Variants in NUP98 observed in about 807,000 individuals in gnomAD.
The protein encoded by NUP98 is nucleoporin 98 and 96 precursor.
NUP98 carries 26 observed loss-of-function variants against 191.9 expected under a neutral mutation model. The observed-to-expected ratio is 0.14, with a 90% CI of 0.10 to 0.19. NUP98 has a LOEUF of 0.19. Among genes scored for constraint, NUP98 ranks in the 10% least tolerant of loss-of-function variants. The pLI is 1.00. For synonymous variants in NUP98, 808 were observed against 778.4 expected (o/e 1.04, Z -0.63); for missense variants, 1,941 against 2,178.8 (o/e 0.89, Z 2.17).
chr11:3,769,216 G>A (rs2081436739), intron 7 of NUP98, among the ~76,000 whole-genome samples: 1 of 152,142 alleles, frequency 6.6e-6, no homozygotes, highest in Non-Finnish European at 1.5e-5. Context: ...CTTGAGGACA[G>A]GAGTTCCTGA....
chr11:3,713,328 A>G (rs976130281), intron 19 of NUP98, among the ~76,000 whole-genome samples: 1 of 152,252 alleles, frequency 6.6e-6, no homozygotes, highest in Non-Finnish European at 1.5e-5. Context: ...ACGAGCCCAC[A>G]GTTTGTAAGA....
At chr11:3,686,295 G>T in intron 28 of NUP98, 101 bp from the exon 29 acceptor site, 2 of 1,009,412 alleles carry the variant, frequency 2.0e-6, no homozygotes, top group African/African-American at 1.6e-5. Flanking sequence ...AAGAACCTGA[G>T]AGTGAAAGCA....
chr11:3,699,248 T>G lies in NUP98; in HGVS notation c.3843A>C (p.Gln1281His). 1 of 1,614,168 alleles carries G rather than the reference T, an allele frequency of 6.2e-7. No individual in the cohort carries two copies. Among genetic ancestry groups the G allele is most frequent in the Non-Finnish European group, 8.5e-7 (1 of 1,180,032 alleles). ...AGAAAGCTCTTCTTCGCTCCAGAAT[T>G]TGAATGTATTCACGGGGTTCATTTA... ...SQLNEPREYI[Q>H]ILERRRAFSR... Residue 1281 changes from glutamine (Q) to histidine (H), a missense_variant, in exon 25 of 33, where the codon CAA becomes CAC. By Grantham distance (24) the Gln-to-His change is conservative. This residue lies in a region of NUP98 where 1,030 missense variants were observed against 1,115.8 expected (regional missense o/e 0.92). Transcript: ENST00000324932.
Position 3,731,371 on chromosome 11 carries a change from G to C in NUP98, c.1730+20C>G, listed in dbSNP as rs1286864901. On this transcript the variant is annotated intron_variant, in intron 14 of 32. Coordinates refer to ENST00000324932, the MANE Select transcript of NUP98 (RefSeq NM_016320.5). ...TATCAGTATTTTACACTTAATTTCT[G>C]TTAACAAAAATAAACTCACTTGGGC... 1 of 1,480,268 alleles carries C rather than the reference G, an allele frequency of 6.8e-7. No homozygotes were observed. Among genetic ancestry groups the C allele is most frequent in the Non-Finnish European group, 9.0e-7 (1 of 1,106,258 alleles). The allele number at this position is 1,480,268 out of a possible 1,614,324, so 91.7% of individuals were successfully genotyped here.
chr11:3,771,670 T>C (rs2081537093), intron 7 of NUP98, 78 bp downstream of exon 7: 2 of 1,293,054 alleles, frequency 1.5e-6, no homozygotes, highest in African/African-American at 1.5e-5. Flanking sequence ...ATAGCACTTA[T>C]CCCAAAATGG....
chr11:3,707,854 A>C (rs2078910057), intron 20 of NUP98, among the ~76,000 whole-genome samples: 1 of 151,978 alleles, frequency 6.6e-6, no homozygotes, highest in Non-Finnish European at 1.5e-5. Flanking sequence ...TAATCCCAGC[A>C]CTTTGGGAGA....
chr11:3,786,415 C>G (rs1218614962), intron 1 of NUP98, among the ~76,000 whole-genome samples: 2 of 152,100 alleles, frequency 1.3e-5, no homozygotes, highest in Non-Finnish European at 2.9e-5. Context: ...CAAAGATTAA[C>G]CTTTCTCCTT....
chr11:3,754,341 A>T (rs1032334230), intron 10 of NUP98, among the ~76,000 whole-genome samples: 3 of 152,014 alleles, frequency 2.0e-5, no homozygotes, highest in Admixed American at 6.5e-5. Flanking sequence ...CAGGAGTATC[A>T]CTTGAACCCG....
At chr11:3,693,466 A>T (rs2078387282) in intron 26 of NUP98, 91 bp from the exon 27 acceptor site, 1 of 1,267,044 alleles carries the variant, frequency 7.9e-7, no homozygotes, top group African/African-American at 1.5e-5. Flanking sequence ...CACTTATTCA[A>T]GGAACATTTT....
At chr11:3,750,094 A>G (rs961169965) in intron 11 of NUP98, among the ~76,000 whole-genome samples, 1 of 152,218 alleles carries the variant, frequency 6.6e-6, no homozygotes, top group Non-Finnish European at 1.5e-5. Flanking sequence ...ATAATGGTAT[A>G]TGTATGATGT....
chr11:3,731,468 T>C lies in NUP98; in HGVS notation c.1653A>G (p.Thr551=). 1 of 1,608,578 alleles carries C rather than the reference T, an allele frequency of 6.2e-7. No individual in the cohort carries two copies. The highest frequency in any genetic ancestry group is 1.7e-5 in the Admixed American group (1 of 59,348). The part of the protein sequence containing the change: ...TRVRPKALQT[T]GTAKSHLFDG... Reference sequence around the variant, plus strand: ...CAAAGAGATGTGACTTGGCTGTGCCTGTTGTTTGTAAAGCCTTTGGCCGGA... The same window carrying C: ...CAAAGAGATGTGACTTGGCTGTGCCCGTTGTTTGTAAAGCCTTTGGCCGGA... The change falls in exon 14 of 33, where the codon ACA becomes ACG. Residue 551 remains threonine (T), a synonymous_variant. Coordinates refer to ENST00000324932, the MANE Select transcript of NUP98 (RefSeq NM_016320.5).
chr11:3,709,982 A>T lies in NUP98; in HGVS notation c.2742+2582T>A, dbSNP rs559537436. 8.8e-3 allele frequency among the ~76,000 whole-genome samples: 409 copies of T among 46,676 alleles called. 2 individuals are homozygous for T. In the Middle Eastern group the frequency reaches 0.095, roughly 11 times the overall value. The allele number at this position is 46,676 out of a possible 152,430, so 30.6% of individuals were successfully genotyped here. On this transcript the variant is annotated intron_variant, in intron 20 of 32. Transcript: ENST00000324932. ...AAAACTTAAAGTACAATAATAATTT[A>T]AAAAAAAAAAGTTTACAAAAAAAAA...
rs571426376 is a variant in NUP98, at chr11:3,762,984, G to A, written c.1004C>T (p.Thr335Ile). The A allele has an allele frequency of 1.2e-6, 2 of 1,614,146 alleles. No individual in the cohort carries two copies. The highest frequency in any genetic ancestry group is 1.7e-5 in the Admixed American group (1 of 60,010). Residue 335 changes from threonine to isoleucine, a missense_variant, in exon 9 of 33, where the codon ACA (threonine) becomes ATA (isoleucine). Physicochemically the swap from Thr to Ile is moderately conservative, Grantham distance 89. Coordinates refer to ENST00000324932, the MANE Select transcript of NUP98 (RefSeq NM_016320.5). ...AAATGCTGTCCCAGTGCTGGTGTTT[G>A]TAGCTGTCCCAAAAAGACCTCCAGG... The part of the protein sequence containing the change: ...SQPGGLFGTA[T>I]NTSTGTAFGT...
At chr11:3,738,684 C>T (rs2080164982) in intron 12 of NUP98, among the ~76,000 whole-genome samples, 1 of 138,136 alleles carries the variant, frequency 7.2e-6, no homozygotes. Context: ...GAGGCTGAGA[C>T]AGGAGAATTG....
intron 8 of NUP98, among the ~76,000 whole-genome samples, chr11:3,765,628 T>G (rs934123325): frequency 6.6e-6 from 1 of 151,864 alleles, no homozygotes; most frequent in Non-Finnish European, 1.5e-5. Flanking sequence ...GGTGAAACCC[T>G]GTCTCCACTA....
intron 11 of NUP98, among the ~76,000 whole-genome samples, chr11:3,749,284 C>G (rs1485378321): frequency 6.7e-6 from 1 of 149,262 alleles, no homozygotes; most frequent in Non-Finnish European, 1.5e-5. Flanking sequence ...GTCCGCAGTC[C>G]GGCCTGGGCG....
At chr11:3,687,430 T>C (rs1250473572) in intron 28 of NUP98, among the ~76,000 whole-genome samples, 2 of 152,248 alleles carry the variant, frequency 1.3e-5, no homozygotes, top group Non-Finnish European at 2.9e-5. Flanking sequence ...TGAATTGTGT[T>C]ATTTAGTGTC....
rs200905492 is a variant in NUP98, at chr11:3,744,630, T to C, written c.1287A>G (p.Ala429=). Residue 429 remains alanine, a synonymous_variant, in exon 12 of 33, where the codon GCA becomes GCG. Transcript: ENST00000324932. ...GFGTALGAGQ[A]SLFGNNQPKI... ...TAGGTTGGTTGTTCCCAAACAAAGATGCCTGTCCAGCACCAAGAGCTACGG... is the reference window on the plus strand; with the variant it reads ...TAGGTTGGTTGTTCCCAAACAAAGACGCCTGTCCAGCACCAAGAGCTACGG... 56 of 1,613,176 alleles carry C rather than the reference T, an allele frequency of 3.5e-5. No homozygotes were observed. The highest frequency in any genetic ancestry group is 2.5e-5 in the Non-Finnish European group (30 of 1,179,400).
intron 9 of NUP98, among the ~76,000 whole-genome samples, chr11:3,762,036 T>C (rs1002446628): frequency 2.0e-5 from 3 of 152,144 alleles, no homozygotes; most frequent in Non-Finnish European, 4.4e-5. Context: ...CAATTATCTG[T>C]CCAAAGTTTA....
Sources: allele counts gnomAD v4.1 joint callset (sites outside exome capture counted in the v4.1 genomes callset), GRCh38; gene constraint gnomAD v4.1.1; regional missense constraint gnomAD v4.1.1; transcripts MANE v1.5; gene names NCBI Gene and HGNC (gene_info 2026-07-23, HGNC 2026-07-21).